Variants in RASSF4 observed in about 807,000 individuals in gnomAD.
RASSF4 encodes Ras association domain family member 4, also known as ras association domain-containing protein 4.
Under a neutral mutation model 41.1 loss-of-function variants are expected in RASSF4, and 38 were observed. The ratio of observed to expected loss-of-function variants is 0.92; its 90% CI spans 0.71 to 1.21. RASSF4 has a LOEUF of 1.21. Ranked by LOEUF, RASSF4 falls within the 50% of genes most tolerant of loss-of-function variation. RASSF4 has a pLI of 0.00. For missense variants in RASSF4, 414 were observed against 419.4 expected (o/e 0.99, Z 0.11); for synonymous variants, 179 against 163.4 (o/e 1.10, Z -0.73).
rs1332941496 is a variant in RASSF4 at position 44,993,895 on chromosome 10, G to A, written c.*566G>A. On this transcript the variant is annotated 3_prime_UTR_variant, in exon 11 of 11. Transcript: ENST00000340258. ...CGCACAGCTCAGCCCCAACACAGAG[G>A]TGAGACCAGGAATAAGGCCACAAGT... 1 of 152,772 alleles carries A rather than the reference G, an allele frequency of 6.5e-6. No individual in the cohort carries two copies. Among genetic ancestry groups the A allele is most frequent in the Non-Finnish European group, 1.5e-5 (1 of 68,428 alleles). The allele number at this position is 152,772 out of a possible 1,614,324, so 9.5% of individuals were successfully genotyped here. A position where few individuals can be genotyped will look rare whatever the true frequency, so the allele number is the denominator to read the frequency against.
intron 3 of RASSF4, chr10:44,978,221 T>C (rs949442726): frequency 6.2e-5 from 37 of 601,000 alleles, no homozygotes; most frequent in Non-Finnish European, 1.0e-4. Flanking sequence ...CTTTTCTTCC[T>C]GTTCAGGTTA....
Position 44,982,233 on chromosome 10 carries a change from C to T in RASSF4, c.139-288C>T, listed in dbSNP as rs575946627. 3.5e-5 allele frequency: 16 copies of T among 461,474 alleles called. No individual in the cohort carries two copies. In the East Asian group the frequency reaches 4.6e-4, roughly 13 times the overall value. 28.6% of individuals were successfully genotyped at this position (461,474 alleles called of 1,614,324 possible). A position where few individuals can be genotyped will look rare whatever the true frequency, so the allele number is the denominator to read the frequency against. ...AACCACTTCTTCACCGCGGTGTGGACGTGCCTGCCGGCCAGCAGCTGGCTT... is the reference window on the plus strand; with the variant it reads ...AACCACTTCTTCACCGCGGTGTGGATGTGCCTGCCGGCCAGCAGCTGGCTT... On this transcript the variant is annotated intron_variant, in intron 3 of 10. Coordinates refer to ENST00000340258, the MANE Select transcript of RASSF4 (RefSeq NM_032023.4).
chr10:44,984,556 C>A, intron 5 of RASSF4: 1 of 550,678 alleles, frequency 1.8e-6, no homozygotes, highest in Non-Finnish European at 3.2e-6. Flanking sequence ...CCACCAAAGA[C>A]CTCCATGGGC....
At chr10:44,975,456 TCTCCACC>T (rs1841375492) in intron 3 of RASSF4, among the ~76,000 whole-genome samples, 1 of 9,886 alleles carries the variant, frequency 1.0e-4, no homozygotes. Context: ...CCCACTCCCC[TCTCCACC>T]TCCCACCCCC....
chr10:44,969,218 G>C, intron 1 of RASSF4, among the ~76,000 whole-genome samples: 1 of 152,222 alleles, frequency 6.6e-6, no homozygotes, highest in East Asian at 1.9e-4. Context: ...GGGGGAGAGA[G>C]AGGAACAGGA....
chr10:44,977,392 T>C, intron 3 of RASSF4: 1 of 1,568,428 alleles, frequency 6.4e-7, no homozygotes, highest in Non-Finnish European at 8.7e-7. Flanking sequence ...TGGGGAGGGG[T>C]CAGAGTTCAT....
chr10:44,973,661 A>C (rs1455030164), intron 3 of RASSF4, among the ~76,000 whole-genome samples: 1 of 152,222 alleles, frequency 6.6e-6, no homozygotes, highest in African/African-American at 2.4e-5. Context: ...GTCAAGTTTG[A>C]AAACCACTAG....
At chr10:44,989,025 G>A (rs188769164) in intron 6 of RASSF4, among the ~76,000 whole-genome samples, 1 of 152,320 alleles carries the variant, frequency 6.6e-6, no homozygotes, top group East Asian at 1.9e-4. Flanking sequence ...CTGGTTCCTC[G>A]GGTCCAGAGA....
Position 44,969,912 on chromosome 10 carries a change from GGA to G in RASSF4, c.-38-249_-38-248del, listed in dbSNP as rs59320198. Among the ~76,000 whole-genome samples, 645 of 152,354 alleles carry G rather than the reference GGA, an allele frequency of 4.2e-3. 5 individuals carry two copies. Among genetic ancestry groups the G allele is most frequent in the African/African-American group, 0.015 (615 of 41,588 alleles). ...ATGGATCTGGATTCCTGGGGATTAT[GGA>G]GAGTCTTCTGGGGTGGGCGGCTGAA... On this transcript the variant is annotated intron_variant, in intron 1 of 10. Coordinates refer to ENST00000340258, the MANE Select transcript of RASSF4 (RefSeq NM_032023.4).
chr10:44,983,949 G>A, intron 4 of RASSF4, 73 bp from the exon 5 acceptor site: 3 of 1,550,838 alleles, frequency 1.9e-6, no homozygotes, highest in Non-Finnish European at 2.6e-6. Flanking sequence ...AGGGGCTGCT[G>A]GTCTCTTCTC....
chr10:44,992,700 G>A (rs1486645370), intron 10 of RASSF4, among the ~76,000 whole-genome samples: 2 of 152,200 alleles, frequency 1.3e-5, no homozygotes, highest in Non-Finnish European at 1.5e-5. Flanking sequence ...GGCCTGGGGT[G>A]TGTGGGGAAA....
chr10:44,993,918 A>G lies in RASSF4; in HGVS notation c.*589A>G, dbSNP rs1208604458. The G allele has an allele frequency of 6.6e-6, 1 of 152,506 alleles. No individual in the cohort carries two copies. The highest frequency in any genetic ancestry group is 2.4e-5 in the African/African-American group (1 of 41,460). The allele number at this position is 152,506 out of a possible 1,614,324, so 9.4% of individuals were successfully genotyped here. A position where few individuals can be genotyped will look rare whatever the true frequency, so the allele number is the denominator to read the frequency against. On this transcript the variant is annotated 3_prime_UTR_variant, in exon 11 of 11. Transcript: ENST00000340258. The stretch of plus-strand genomic sequence containing the variant: ...AGGTGAGACCAGGAATAAGGCCACA[A>G]GTATCTCACTTTCTCTGCAGAAATC...
chr10:44,971,619 T>C lies in RASSF4; in HGVS notation c.63-154T>C, dbSNP rs144553237. The stretch of plus-strand genomic sequence containing the variant: ...GCAGAACCATCCGGGTGCATTGCGA[T>C]GGCAGTCTGGTCTCCTCTGGTTATG... On this transcript the variant is annotated intron_variant, in intron 2 of 10. Coordinates refer to ENST00000340258, the MANE Select transcript of RASSF4 (RefSeq NM_032023.4). The C allele has an allele frequency of 1.3e-4, 94 of 739,222 alleles. No individual in the cohort carries two copies. The African/African-American group carries it at 1.4e-3, about 11-fold the overall frequency. The allele number at this position is 739,222 out of a possible 1,614,324, so 45.8% of individuals were successfully genotyped here. A position where few individuals can be genotyped will look rare whatever the true frequency, so the allele number is the denominator to read the frequency against.
chr10:44,984,618 G>GT (rs1420747016), intron 5 of RASSF4, 195 bp from the exon 6 acceptor site: 53 of 644,890 alleles, frequency 8.2e-5, no homozygotes, highest in Non-Finnish European at 8.4e-5. Flanking sequence ...TGTGACCCAG[G>GT]TTACCCTGTC....
chr10:44,966,859 T>C lies in RASSF4; in HGVS notation c.-38-3306T>C, dbSNP rs556661359. Among the ~76,000 whole-genome samples, 6 of 152,342 alleles carry C rather than the reference T, an allele frequency of 3.9e-5. No homozygotes were observed. The South Asian group carries it at 1.2e-3, about 32-fold the overall frequency. On this transcript the variant is annotated intron_variant, in intron 1 of 10. Coordinates refer to ENST00000340258, the MANE Select transcript of RASSF4 (RefSeq NM_032023.4). ...CCCTAGCTTCTTATGACCCTTATTT[T>C]AACAGTTTCCTTTTGCTGGTCATGT...
At chr10:44,984,428 C>G in intron 5 of RASSF4, 1 of 490,238 alleles carries the variant, frequency 2.0e-6, no homozygotes. Flanking sequence ...CCCCTCACCT[C>G]CCTCTGCGAC....
intron 3 of RASSF4, among the ~76,000 whole-genome samples, chr10:44,979,221 T>C (rs1393421678): frequency 6.6e-6 from 1 of 152,196 alleles, no homozygotes; most frequent in Non-Finnish European, 1.5e-5. Flanking sequence ...CAGCTGAGGC[T>C]GGGTCCCTAG....
intron 3 of RASSF4, among the ~76,000 whole-genome samples, chr10:44,972,268 G>A (rs1211556806): frequency 6.6e-6 from 1 of 152,186 alleles, no homozygotes; most frequent in Non-Finnish European, 1.5e-5. Context: ...CTCACCTGTG[G>A]CCCCTGGTCC....
intron 4 of RASSF4, 160 bp from the exon 5 acceptor site, chr10:44,983,862 T>C: frequency 7.7e-7 from 1 of 1,307,156 alleles, no homozygotes; most frequent in Non-Finnish European, 1.0e-6. Flanking sequence ...TTTCTTTTAT[T>C]GTTTCAGACT....
Sources: allele counts gnomAD v4.1 joint callset (sites outside exome capture counted in the v4.1 genomes callset), GRCh38; gene constraint gnomAD v4.1.1; transcripts MANE v1.5; gene names NCBI Gene and HGNC (gene_info 2026-07-23, HGNC 2026-07-21).